The following ATP11C variants were observed in gnomAD, a reference collection of about 807,000 sequenced individuals.
The protein encoded by ATP11C is phospholipid-transporting ATPase IG.
In ATP11C, 36 loss-of-function variants were observed where a neutral mutation model predicts 97.4. The ratio of observed to expected loss-of-function variants is 0.37; its 90% confidence interval spans 0.28 to 0.49. The LOEUF is 0.49. Among genes scored for constraint, ATP11C ranks in the 20% least tolerant of loss-of-function variants. ATP11C has a pLI of 0.98. For synonymous variants in ATP11C, 275 were observed against 290.9 expected, an observed-to-expected ratio of 0.95 and a Z score of 0.56; for missense variants, 730 against 824.6, an observed-to-expected ratio of 0.89 and a Z score of 1.40.
intron 15 of ATP11C, among the ~76,000 whole-genome samples, chrX:139,786,733 G>A (rs1363229164): frequency 2.7e-5 from 3 of 112,258 alleles, no homozygotes; most frequent in South Asian, 7.4e-4. Context: ...TACTTGCCCC[G>A]AGGCTCACAC....
At chrX:139,842,699 G>A (rs1428501822) in intron 1 of ATP11C, among the ~76,000 whole-genome samples, 1 of 112,372 alleles carries the variant, frequency 8.9e-6, no homozygotes, top group East Asian at 2.8e-4. Context: ...AAATTTCCAA[G>A]AGATTAATGT....
At chrX:139,818,675 G>A (rs1456224991) in intron 3 of ATP11C, among the ~76,000 whole-genome samples, 1 of 111,818 alleles carries the variant, frequency 8.9e-6, no homozygotes, top group African/African-American at 3.3e-5. Context: ...CATCAACAGG[G>A]CATTGGAGCA....
At chrX:139,846,397 G>A (rs1399459318) in intron 1 of ATP11C, among the ~76,000 whole-genome samples, 2 of 112,340 alleles carry the variant, frequency 1.8e-5, no homozygotes, top group Non-Finnish European at 3.8e-5. Flanking sequence ...GGAATAAAGA[G>A]CTAATCAAAA....
At chrX:139,741,126 C>A (rs571724082) in intron 26 of ATP11C, 32 bp from the exon 27 acceptor site, 5 of 962,668 alleles carry the variant, frequency 5.2e-6, no homozygotes, top group Non-Finnish European at 7.4e-6. Context: ...GATTTCACGA[C>A]GGTTACGAAT....
At chrX:139,741,284 C>A (rs2081550132) in intron 26 of ATP11C, among the ~76,000 whole-genome samples, 190 bp from the exon 27 acceptor site, 1 of 111,607 alleles carries the variant, frequency 9.0e-6, no homozygotes, top group Non-Finnish European at 1.9e-5. Flanking sequence ...CTGAGCTCTG[C>A]CCTAAGGCCT....
chrX:139,879,119 C>CAA (rs1310752342), intron 1 of ATP11C, among the ~76,000 whole-genome samples: 1 of 110,033 alleles, frequency 9.1e-6, no homozygotes, highest in Admixed American at 9.8e-5. Context: ...AAAAACAAAA[C>CAA]AAAACAAAAC....
intron 5 of ATP11C, among the ~76,000 whole-genome samples, chrX:139,813,541 G>A (rs772582833): frequency 2.7e-5 from 3 of 111,854 alleles, no homozygotes; most frequent in Non-Finnish European, 5.6e-5. Flanking sequence ...GTAGGTGAAT[G>A]GATAAACTAT....
At chrX:139,795,079 G>A (rs888451621) in intron 12 of ATP11C, among the ~76,000 whole-genome samples, 1 of 112,028 alleles carries the variant, frequency 8.9e-6, no homozygotes, top group Admixed American at 9.5e-5. Flanking sequence ...TCTAACCCTG[G>A]ATGAAAACTT....
intron 1 of ATP11C, among the ~76,000 whole-genome samples, chrX:139,861,755 T>A (rs1224244624): frequency 1.0e-5 from 1 of 99,451 alleles, no homozygotes; most frequent in Non-Finnish European, 2.0e-5. Flanking sequence ...TAGTCCTAGA[T>A]AATAATCCTG....
At chrX:139,808,911 G>A (rs778645057) in intron 5 of ATP11C, among the ~76,000 whole-genome samples, 5 of 111,613 alleles carry the variant, frequency 4.5e-5, no homozygotes, top group African/African-American at 6.5e-5. Context: ...TCAGGGGTTC[G>A]AGACCAGTCT....
At chrX:139,780,449 T>G (rs2082428787) in intron 18 of ATP11C, among the ~76,000 whole-genome samples, 1 of 109,584 alleles carries the variant, frequency 9.1e-6, no homozygotes, top group Admixed American at 9.7e-5. Context: ...AAACAAAAAT[T>G]ATATGATCAT....
chrX:139,851,559 G>A (rs2083990721), intron 1 of ATP11C, among the ~76,000 whole-genome samples: 1 of 111,260 alleles, frequency 9.0e-6, no homozygotes, highest in African/African-American at 3.3e-5. Flanking sequence ...TATGGGACTG[G>A]GACCATTACC....
At chrX:139,850,681 G>C (rs983869301) in intron 1 of ATP11C, among the ~76,000 whole-genome samples, 1 of 111,184 alleles carries the variant, frequency 9.0e-6, no homozygotes, top group East Asian at 2.8e-4. Flanking sequence ...TTGGGAGGCC[G>C]AGGCGGGTGG....
intron 1 of ATP11C, among the ~76,000 whole-genome samples, chrX:139,905,707 C>T (rs187107502): frequency 3.6e-5 from 4 of 110,374 alleles, no homozygotes; most frequent in South Asian, 7.6e-4. Flanking sequence ...AAAGTACTTA[C>T]GTATTTTATG....
At chrX:139,933,122 G>GC (rs1230717666), upstream of ATP11C, 1 of 104,675 alleles carries the variant, frequency 9.6e-6, no homozygotes, top group Non-Finnish European at 2.0e-5. Flanking sequence ...CCTCCCGCTC[G>GC]CCCCCTCCCC....
At chrX:139,732,425 AG>A in intron 28 of ATP11C, 1 of 355,696 alleles carries the variant, frequency 2.8e-6, no homozygotes. Context: ...ACATTAAGAA[AG>A]GAAATCACCT....
intron 1 of ATP11C, among the ~76,000 whole-genome samples, chrX:139,833,530 A>AT (rs530882121): frequency 4.5e-5 from 5 of 110,097 alleles, no homozygotes; most frequent in East Asian, 5.7e-4. Context: ...CGAAAAAAAA[A>AT]TTTTTTTTAA....
intron 1 of ATP11C, among the ~76,000 whole-genome samples, chrX:139,891,959 C>A (rs2148073971): frequency 9.0e-6 from 1 of 110,966 alleles, no homozygotes; most frequent in Admixed American, 9.7e-5. Context: ...CAGGTTCAAG[C>A]AATTCTCATG....
At chrX:139,826,682 T>C in intron 2 of ATP11C, 22 bp downstream of exon 2, 3 of 1,175,957 alleles carry the variant, frequency 2.6e-6, no homozygotes, top group Non-Finnish European at 3.5e-6. Flanking sequence ...TGAACATCTA[T>C]TGAGTTAAAA....
Sources: gnomAD v4.1 joint callset for allele counts (sites outside exome capture counted in the v4.1 genomes callset) on GRCh38, gnomAD v4.1.1 for gene constraint, MANE v1.5 for transcripts, NCBI Gene and HGNC (gene_info 2026-07-23, HGNC 2026-07-21) for gene names.